Variants in TMEM164 observed in about 807,000 individuals in gnomAD.
TMEM164 encodes transmembrane protein 164.
In TMEM164, 4 loss-of-function variants were observed where a neutral mutation model predicts 18.8. The observed-to-expected ratio is 0.21, with a 90% CI of 0.10 to 0.49. TMEM164 has a LOEUF of 0.49. Among genes scored for constraint, TMEM164 ranks in the 20% least tolerant of loss-of-function variants. TMEM164 has a pLI of 0.98. For missense variants in TMEM164, 108 were observed against 239.9 expected, an observed-to-expected ratio of 0.45 and a Z score of 3.63; for synonymous variants, 86 against 101.7, an observed-to-expected ratio of 0.85 and a Z score of 0.93.
intron 5 of TMEM164, among the ~76,000 whole-genome samples, chrX:110,158,910 C>A (rs1395519677): frequency 8.9e-6 from 1 of 112,290 alleles, no homozygotes; most frequent in East Asian, 2.8e-4. Flanking sequence ...TCAGTTTTCT[C>A]ATCTGTAAAA....
chrX:110,023,570 G>A (rs1390055161), intron 2 of TMEM164, among the ~76,000 whole-genome samples: 1 of 111,630 alleles, frequency 9.0e-6, no homozygotes, highest in Non-Finnish European at 1.9e-5. Flanking sequence ...TCCCCACACA[G>A]TTAGTATTAG....
intron 3 of TMEM164, among the ~76,000 whole-genome samples, chrX:110,084,901 A>T (rs1347386619): frequency 9.1e-6 from 1 of 110,092 alleles, no homozygotes; most frequent in Non-Finnish European, 1.9e-5. Context: ...TTTTGTTACA[A>T]TGTTAATTTC....
At chrX:110,051,225 G>A (rs891417931) in intron 2 of TMEM164, among the ~76,000 whole-genome samples, 1 of 111,749 alleles carries the variant, frequency 8.9e-6, no homozygotes, top group East Asian at 2.8e-4. Context: ...TTGTAAACCC[G>A]GCTGTACATT....
At chrX:110,112,315 A>G (rs910568310) in intron 4 of TMEM164, among the ~76,000 whole-genome samples, 2 of 111,643 alleles carry the variant, frequency 1.8e-5, no homozygotes, top group Non-Finnish European at 3.8e-5. Context: ...CATGGCAACA[A>G]AGTGAGACTC....
intron 2 of TMEM164, among the ~76,000 whole-genome samples, chrX:110,067,024 G>A (rs999255295): frequency 2.7e-5 from 3 of 111,144 alleles, no homozygotes; most frequent in Admixed American, 9.6e-5. Flanking sequence ...TGGTGTGTGC[G>A]TGTTCCATGC....
chrX:110,022,580 A>C (rs1213590880), intron 2 of TMEM164, among the ~76,000 whole-genome samples: 1 of 111,571 alleles, frequency 9.0e-6, no homozygotes, highest in Non-Finnish European at 1.9e-5. Flanking sequence ...AGCGGTGGTA[A>C]AATCTGACGT....
At chrX:110,040,836 C>A (rs1295542805) in intron 2 of TMEM164, among the ~76,000 whole-genome samples, 3 of 111,335 alleles carry the variant, frequency 2.7e-5, no homozygotes, top group Non-Finnish European at 5.6e-5. Flanking sequence ...TGGGCCCTAA[C>A]TTTCAGCTTG....
rs139355653 is a variant in TMEM164, at chrX:110,144,855, A to G, written c.565A>G (p.Ile189Val). The G allele has an allele frequency of 3.3e-5, 40 of 1,204,914 alleles. No individual in the cohort carries two copies. The African/African-American group carries it at 6.8e-4, about 21-fold the overall frequency. ...GCATGTTATGCTCTACGTGGTACCCATCTACCTGCTTTGGAAAGGAGGTAA... is the reference window on the plus strand; with the variant it reads ...GCATGTTATGCTCTACGTGGTACCCGTCTACCTGCTTTGGAAAGGAGGTAA... ...IQHVMLYVVP[I>V]YLLWKGGAYT... The change falls in exon 5 of 7, where the codon ATC (isoleucine) becomes GTC (valine). Residue 189 changes from isoleucine (I) to valine (V), a missense_variant. Physicochemically the swap from Ile to Val is conservative, Grantham distance 29. Coordinates refer to ENST00000372068, the MANE Select transcript of TMEM164 (RefSeq NM_032227.4).
chrX:110,048,974 T>G (rs1935431387), intron 2 of TMEM164, among the ~76,000 whole-genome samples: 1 of 112,237 alleles, frequency 8.9e-6, no homozygotes, highest in South Asian at 3.7e-4. Flanking sequence ...ATTTCTTGAT[T>G]ATGCGATTTG....
chrX:110,124,213 A>G (rs2066497575), intron 4 of TMEM164, among the ~76,000 whole-genome samples: 1 of 110,488 alleles, frequency 9.1e-6, no homozygotes, highest in Non-Finnish European at 1.9e-5. Context: ...GCAGGCAGGA[A>G]GGCAGGAAGG....
At chrX:110,024,678 C>T (rs532941246) in intron 2 of TMEM164, among the ~76,000 whole-genome samples, 1 of 111,866 alleles carries the variant, frequency 8.9e-6, no homozygotes, top group African/African-American at 3.2e-5. Context: ...CACTTAAATA[C>T]GAGATGCCAT....
chrX:110,137,523 C>T lies in TMEM164; in HGVS notation c.508-7275C>T, dbSNP rs191196417. Among the ~76,000 whole-genome samples the T allele has an allele frequency of 7.0e-3, 786 of 112,311 alleles. 7 individuals carry two copies. The highest frequency in any genetic ancestry group is 0.022 in the African/African-American group (687 of 30,909). On this transcript the variant is annotated intron_variant, in intron 4 of 6. Transcript: ENST00000372068. The stretch of plus-strand genomic sequence containing the variant: ...TTTGTTTAGGCATTGCTATCGCCAG[C>T]CCCTAACTGGTCCCTCTGCCTCAAG...
chrX:110,147,632 A>G lies in TMEM164; in HGVS notation c.586+2756A>G, dbSNP rs189504415. 7.2e-3 allele frequency among the ~76,000 whole-genome samples: 779 copies of G among 108,945 alleles called. 9 individuals are homozygous for G. Among genetic ancestry groups the G allele is most frequent in the African/African-American group, 0.023 (682 of 29,770 alleles). 94.6% of individuals were successfully genotyped at this position (108,945 alleles called of 115,157 possible). On this transcript the variant is annotated intron_variant, in intron 5 of 6. Coordinates refer to ENST00000372068, the MANE Select transcript of TMEM164 (RefSeq NM_032227.4). Reference sequence around the variant, plus strand: ...CTCTTTTTTTTTCATCACCACCATCACTTGACCTCTTGGTCCCTTCCCCTA... The same window carrying G: ...CTCTTTTTTTTTCATCACCACCATCGCTTGACCTCTTGGTCCCTTCCCCTA...
intron 2 of TMEM164, among the ~76,000 whole-genome samples, chrX:110,033,742 T>A (rs1602504921): frequency 1.8e-5 from 2 of 111,442 alleles, no homozygotes; most frequent in South Asian, 7.6e-4. Flanking sequence ...AGGCAGAGAA[T>A]CAGATACTTT....
In TMEM164 at chrX:110,164,736, G is replaced by A. The variant is rs140798419; in HGVS notation, c.587-6684G>A. ...GATGACTGTGAAAGGGAAGGATAGC[G>A]GGTGGTACAGTATGGTAGTGGTAGG... is the stretch of plus-strand genomic sequence containing the variant. On this transcript the variant is annotated intron_variant, in intron 5 of 6. Transcript: ENST00000372068. Among the ~76,000 whole-genome samples, 308 of 111,372 alleles carry A rather than the reference G, an allele frequency of 2.8e-3. 3 individuals carry two copies. The highest frequency in any genetic ancestry group is 0.026 in the East Asian group (91 of 3,522).
intron 5 of TMEM164, among the ~76,000 whole-genome samples, chrX:110,156,638 A>G (rs12850882): frequency 2.2e-4 from 25 of 111,490 alleles, no homozygotes; most frequent in African/African-American, 7.8e-4. Context: ...TAGCTTATAA[A>G]CAATATAAAT....
At chrX:110,134,597 T>C (rs2066661592) in intron 4 of TMEM164, among the ~76,000 whole-genome samples, 2 of 91,066 alleles carry the variant, frequency 2.2e-5, no homozygotes, top group Non-Finnish European at 4.3e-5. Context: ...GACCAGTGGC[T>C]GCCCCCCCGC....
At chrX:110,034,812 A>G (rs1444765222) in intron 2 of TMEM164, among the ~76,000 whole-genome samples, 4 of 103,045 alleles carry the variant, frequency 3.9e-5, no homozygotes, top group Non-Finnish European at 7.9e-5. Flanking sequence ...AAAGACTTGG[A>G]ACCAACCCAA....
intron 2 of TMEM164, among the ~76,000 whole-genome samples, chrX:110,022,666 T>A (rs957557377): frequency 2.7e-5 from 3 of 112,120 alleles, no homozygotes; most frequent in African/African-American, 9.7e-5. Flanking sequence ...TGTTAGATAG[T>A]GTGTGGTGAA....
Sources: allele counts gnomAD v4.1 joint callset (sites outside exome capture counted in the v4.1 genomes callset), GRCh38; gene constraint gnomAD v4.1.1; transcripts MANE v1.5; gene names NCBI Gene and HGNC (gene_info 2026-07-23, HGNC 2026-07-21).